TRIP11: variants seen among roughly 807,000 people sequenced by gnomAD.
TRIP11 encodes the protein thyroid hormone receptor interactor 11.
In TRIP11, 148 loss-of-function variants were observed where a neutral mutation model predicts 223.1. The observed-to-expected ratio is 0.66, with a 90% CI of 0.58 to 0.76. The LOEUF is 0.76. Among genes scored for constraint, TRIP11 ranks in the 30% least tolerant of loss-of-function variants. The pLI is 0.00. For synonymous variants in TRIP11, 762 were observed against 772.6 expected (o/e 0.99, Z 0.23); for missense variants, 2,043 against 2,222.0 (o/e 0.92, Z 1.62).
intron 16 of TRIP11, among the ~76,000 whole-genome samples, chr14:91,982,993 T>A (rs1374139140): frequency 1.3e-5 from 2 of 152,200 alleles, no homozygotes; most frequent in Admixed American, 1.3e-4. Flanking sequence ...AGTTTCCAGA[T>A]TATGACACAC....
chr14:92,015,947 A>G (rs2057030824), intron 5 of TRIP11, 86 bp from the exon 6 acceptor site: 3 of 1,290,152 alleles, frequency 2.3e-6, no homozygotes, highest in Non-Finnish European at 1.1e-6. Context: ...AAAAGTGTGC[A>G]TTATTAAAAA....
At chr14:91,990,407 T>A (rs2056657300) in intron 15 of TRIP11, among the ~76,000 whole-genome samples, 1 of 152,224 alleles carries the variant, frequency 6.6e-6, no homozygotes, top group African/African-American at 2.4e-5. Flanking sequence ...ATTACAGCTT[T>A]TATTTTTATT....
chr14:91,982,664 C>G (rs984217357), intron 16 of TRIP11, among the ~76,000 whole-genome samples: 4 of 152,138 alleles, frequency 2.6e-5, no homozygotes, highest in Admixed American at 2.6e-4. Context: ...TTGCAGATAT[C>G]CAGGGTCTCT....
chr14:92,020,243 C>T, intron 4 of TRIP11, among the ~76,000 whole-genome samples: 1 of 151,096 alleles, frequency 6.6e-6, no homozygotes, highest in East Asian at 1.9e-4. Flanking sequence ...CAGACTGAGA[C>T]TCTCTCTCAA....
At chr14:91,974,775 A>G in intron 18 of TRIP11, 32 bp from the exon 19 acceptor site, 2 of 1,496,234 alleles carry the variant, frequency 1.3e-6, no homozygotes, top group Non-Finnish European at 1.8e-6. Flanking sequence ...GACAAATATT[A>G]TCAGTACAAG....
In TRIP11 at chr14:92,003,551, C is replaced by T. The variant is rs568124977; in HGVS notation, c.4425G>A (p.Lys1475=). 8 of 1,614,112 alleles carry T rather than the reference C, an allele frequency of 5.0e-6. No homozygotes were observed. The South Asian group carries it at 5.5e-5, about 11-fold the overall frequency. The change falls in exon 11 of 21, where the codon AAG becomes AAA. Residue 1475 remains lysine (K), a synonymous_variant. Transcript: ENST00000267622. ...NEKIVETYRG[K]ETEYQALQET... Reference sequence around the variant, plus strand: ...CTTGTAACGCTTGATATTCTGTTTCCTTTCCCCTGTATGTTTCCACTATTT... The same window carrying T: ...CTTGTAACGCTTGATATTCTGTTTCTTTTCCCCTGTATGTTTCCACTATTT...
intron 3 of TRIP11, among the ~76,000 whole-genome samples, chr14:92,023,241 G>T (rs941181289): frequency 3.3e-5 from 5 of 152,152 alleles, no homozygotes; most frequent in African/African-American, 1.2e-4. Context: ...TGGAGCTTTT[G>T]AAAATGACCA....
intron 9 of TRIP11, among the ~76,000 whole-genome samples, chr14:92,008,095 G>A (rs902095248): frequency 6.6e-6 from 1 of 152,176 alleles, no homozygotes; most frequent in East Asian, 1.9e-4. Context: ...GCGACTGTAA[G>A]TTTGTCCTCT....
intron 12 of TRIP11, 56 bp from the exon 13 acceptor site, chr14:91,999,489 A>G: frequency 6.5e-7 from 1 of 1,546,168 alleles, no homozygotes; most frequent in South Asian, 1.1e-5. Context: ...ACTGCTACAA[A>G]CCATTTTGTT....
At chr14:91,970,036 C>A in intron 20 of TRIP11, 143 bp from the exon 21 acceptor site, 1 of 875,516 alleles carries the variant, frequency 1.1e-6, no homozygotes. Flanking sequence ...CAATGTATCA[C>A]TTATCAACTT....
chr14:91,985,098 A>C (rs2056589908), intron 16 of TRIP11, among the ~76,000 whole-genome samples: 2 of 152,106 alleles, frequency 1.3e-5, no homozygotes, highest in Admixed American at 1.3e-4. Flanking sequence ...TTATGTCTCT[A>C]CTCAAGTTCC....
chr14:91,990,237 T>C (rs1241104428), intron 15 of TRIP11, among the ~76,000 whole-genome samples: 1 of 152,150 alleles, frequency 6.6e-6, no homozygotes, highest in African/African-American at 2.4e-5. Context: ...CAAAACTAAA[T>C]TTAGTGTGAA....
In TRIP11 at chr14:92,039,658, A is replaced by G; in HGVS notation, c.28T>C (p.Ser10Pro). Reference protein sequence around the residue: MSSWLGGLGSGLGQSLGQVG... With the variant: MSSWLGGLGPGLGQSLGQVG... ...TGACCCAGAGACTGGCCCAATCCGG[A>G]GCCGAGGCCCCCAAGCCAGGACGAC... Residue 10 changes from serine to proline, a missense_variant, in exon 1 of 21, where the codon TCC becomes CCC. Physicochemically the swap from Ser to Pro is moderately conservative, Grantham distance 74. Transcript: ENST00000267622. 1 of 1,612,496 alleles carries G rather than the reference A, an allele frequency of 6.2e-7. No homozygotes were observed. The highest frequency in any genetic ancestry group is 8.5e-7 in the Non-Finnish European group (1 of 1,179,414).
At chr14:92,026,569 TCAGACG>T (rs2057190169) in intron 2 of TRIP11, 3 of 1,276,256 alleles carry the variant, frequency 2.4e-6, no homozygotes, top group Non-Finnish European at 3.4e-6. Flanking sequence ...CCCTACCATG[TCAGACG>T]CAGCCGTGGA....
rs2056889915 is a variant in TRIP11 at position 92,005,607 on chromosome 14, T to C, written c.2369A>G (p.Lys790Arg). 4 of 1,613,768 alleles carry C rather than the reference T, an allele frequency of 2.5e-6. 1 individual carries two copies. Among genetic ancestry groups the C allele is most frequent in the Admixed American group, 3.3e-5 (2 of 59,972 alleles). ...KNIEQMDTDH[K>R]ETKDVLSSSL... ...AGATGACAAAACGTCCTTAGTTTCT[T>C]TATGGTCAGTATCCATTTGTTCAAT... The change falls in exon 11 of 21, where the codon AAA becomes AGA. Residue 790 changes from lysine (K) to arginine (R), a missense_variant. Physicochemically the swap from Lys to Arg is conservative, Grantham distance 26. Coordinates refer to ENST00000267622, the MANE Select transcript of TRIP11 (RefSeq NM_004239.4).
In TRIP11 at chr14:92,007,716, T is replaced by C. The variant is rs1237394434; in HGVS notation, c.1451A>G (p.Asn484Ser). 5.0e-6 allele frequency: 8 copies of C among 1,613,782 alleles called. No individual in the cohort carries two copies. The highest frequency in any genetic ancestry group is 6.8e-6 in the Non-Finnish European group (8 of 1,179,968). Residue 484 changes from asparagine to serine, a missense_variant, in exon 10 of 21, where the codon AAT becomes AGT. Physicochemically the swap from Asn to Ser is conservative, Grantham distance 46. Transcript: ENST00000267622. ...TGTTTCCTTTTCACTAATACTCTGA[T>C]TGAGTTCTTGTTCCTTTGCCTCCAA... is the stretch of plus-strand genomic sequence containing the variant. ...LNLEAKEQEL[N>S]QSISEKETLI...
At chr14:91,984,989 T>TAG (rs2056588188) in intron 16 of TRIP11, among the ~76,000 whole-genome samples, 1 of 152,182 alleles carries the variant, frequency 6.6e-6, no homozygotes, top group Admixed American at 6.5e-5. Context: ...CTATAGTACT[T>TAG]AGGATCGTAG....
At chr14:91,980,533 A>G (rs2056524873) in intron 16 of TRIP11, among the ~76,000 whole-genome samples, 1 of 152,244 alleles carries the variant, frequency 6.6e-6, no homozygotes, top group Non-Finnish European at 1.5e-5. Flanking sequence ...GAATGATCAA[A>G]TGTGACTTTT....
intron 7 of TRIP11, among the ~76,000 whole-genome samples, chr14:92,012,686 G>C (rs552767691): frequency 4.6e-5 from 7 of 152,316 alleles, no homozygotes; most frequent in African/African-American, 1.7e-4. Context: ...GGGTAACAGA[G>C]TGAAGAGGTA....
Sources: gnomAD v4.1 joint callset for allele counts (sites outside exome capture counted in the v4.1 genomes callset) on GRCh38, gnomAD v4.1.1 for gene constraint, MANE v1.5 for transcripts, NCBI Gene and HGNC (gene_info 2026-07-23, HGNC 2026-07-21) for gene names.